The following DMD variants were observed in gnomAD, a reference collection of about 807,000 sequenced individuals.
DMD encodes the protein dystrophin.
In DMD, 63 loss-of-function variants were observed where a neutral mutation model predicts 330.1. The observed-to-expected ratio is 0.19, with a 90% CI of 0.16 to 0.24. The LOEUF is 0.24. DMD is among the 10% of genes least tolerant of loss of function. DMD has a pLI of 1.00. For synonymous variants in DMD, 1,223 were observed against 959.8 expected (o/e 1.27, Z -5.07); for missense variants, 3,344 against 2,684.1 (o/e 1.25, Z -5.43).
chrX:32,585,468 G>A (rs1376245520), intron 13 of DMD, among the ~76,000 whole-genome samples: 2 of 110,119 alleles, frequency 1.8e-5, no homozygotes, highest in Non-Finnish European at 1.9e-5. Context: ...TTGGGAGGCC[G>A]AGGCTGGCGG....
intron 3 of DMD, among the ~76,000 whole-genome samples, chrX:32,847,013 A>C (rs2080747478): frequency 9.0e-6 from 1 of 111,296 alleles, no homozygotes; most frequent in Admixed American, 9.6e-5. Flanking sequence ...CAAAATAAAA[A>C]AAAAATACAT....
At chrX:31,904,914 T>C (rs1315580513) in intron 47 of DMD, among the ~76,000 whole-genome samples, 1 of 112,177 alleles carries the variant, frequency 8.9e-6, no homozygotes, top group Non-Finnish European at 1.9e-5. Flanking sequence ...CATAATATTA[T>C]AATCTTTTTA....
intron 15 of DMD, among the ~76,000 whole-genome samples, chrX:32,570,356 T>C (rs1198689184): frequency 8.9e-6 from 1 of 111,995 alleles, no homozygotes; most frequent in Non-Finnish European, 1.9e-5. Flanking sequence ...TTTTGTTAAT[T>C]GGCTTAAACT....
chrX:31,694,617 CATATATATATATAT>C (rs34933227), intron 52 of DMD, among the ~76,000 whole-genome samples: 3 of 58,172 alleles, frequency 5.2e-5, no homozygotes, highest in African/African-American at 7.5e-5. Context: ...TGACAAACAG[CATATATATATATAT>C]ATATATATAT....
intron 48 of DMD, among the ~76,000 whole-genome samples, chrX:31,868,312 T>C (rs945049965): frequency 3.6e-5 from 4 of 112,384 alleles, no homozygotes; most frequent in African/African-American, 9.7e-5. Flanking sequence ...TTCCTTTTTC[T>C]CTTAAGTTAT....
At chrX:32,504,450 C>T (rs1288132563) in intron 18 of DMD, among the ~76,000 whole-genome samples, 1 of 109,970 alleles carries the variant, frequency 9.1e-6, no homozygotes, top group Non-Finnish European at 1.9e-5. Context: ...ATGGTGAAAC[C>T]CTGTCTCTAC....
At chrX:31,598,189 C>A (rs995897205) in intron 55 of DMD, among the ~76,000 whole-genome samples, 1 of 110,555 alleles carries the variant, frequency 9.0e-6, no homozygotes, top group Admixed American at 9.6e-5. Context: ...CAGCTCCCTG[C>A]AGCCTTGCAG....
intron 11 of DMD, among the ~76,000 whole-genome samples, chrX:32,639,425 C>A (rs2059307736): frequency 9.0e-6 from 1 of 111,123 alleles, no homozygotes; most frequent in Non-Finnish European, 1.9e-5. Context: ...CTAACAAAAC[C>A]ACATCAATAT....
intron 15 of DMD, among the ~76,000 whole-genome samples, chrX:32,567,554 C>A (rs981059558): frequency 9.0e-6 from 1 of 111,322 alleles, no homozygotes; most frequent in African/African-American, 3.3e-5. Flanking sequence ...TGCCACTAAG[C>A]CCAGCTAATT....
Position 31,121,306 on chromosome X carries a change from T to TAGTC in DMD, c.*609_*612dup, listed in dbSNP as rs2032462569. 2 of 118,322 alleles carry TAGTC rather than the reference T, an allele frequency of 1.7e-5. No individual in the cohort carries two copies. Among genetic ancestry groups the TAGTC allele is most frequent in the Non-Finnish European group, 3.5e-5 (2 of 57,691 alleles). The allele number at this position is 118,322 out of a possible 1,213,427, so 9.8% of individuals were successfully genotyped here. A position where few individuals can be genotyped will look rare whatever the true frequency, so the allele number is the denominator to read the frequency against. Reference sequence around the variant, plus strand: ...CAGTTCTCAAATGAGCAGTGTGTAGTAGTCATTTGGTGTGGTGGTAGAGGA... The same window carrying TAGTC: ...CAGTTCTCAAATGAGCAGTGTGTAGTAGTCAGTCATTTGGTGTGGTGGTAGAGGA... On this transcript the variant is annotated 3_prime_UTR_variant, in exon 79 of 79. Coordinates refer to ENST00000357033, the MANE Select transcript of DMD (RefSeq NM_004006.3).
intron 52 of DMD, among the ~76,000 whole-genome samples, chrX:31,717,838 T>C (rs756743006): frequency 4.4e-5 from 5 of 112,460 alleles, no homozygotes; most frequent in African/African-American, 1.6e-4. Context: ...GACAATTTTC[T>C]GATAACAAGT....
chrX:32,483,501 C>A (rs1214887262), intron 21 of DMD, among the ~76,000 whole-genome samples: 1 of 108,586 alleles, frequency 9.2e-6, no homozygotes. Context: ...AAAAGTTGAA[C>A]TTTAATATGA....
chrX:32,671,496 T>A (rs1317414481), intron 9 of DMD, among the ~76,000 whole-genome samples: 1 of 111,847 alleles, frequency 8.9e-6, no homozygotes, highest in Non-Finnish European at 1.9e-5. Context: ...CAAATCAGAT[T>A]ACTTGGCTAT....
intron 60 of DMD, among the ~76,000 whole-genome samples, chrX:31,397,476 C>G (rs1478896838): frequency 8.9e-6 from 1 of 112,165 alleles, no homozygotes; most frequent in Non-Finnish European, 1.9e-5. Context: ...CTTTCTCCGA[C>G]AAGGAAGCCT....
At chrX:32,299,736 G>GC (rs780839610) in intron 42 of DMD, among the ~76,000 whole-genome samples, 2 of 110,844 alleles carry the variant, frequency 1.8e-5, no homozygotes, top group African/African-American at 6.6e-5. Flanking sequence ...TAATAATACA[G>GC]CCTTCCTTGT....
chrX:31,781,399 T>C (rs1246509215), intron 50 of DMD, among the ~76,000 whole-genome samples: 1 of 112,237 alleles, frequency 8.9e-6, no homozygotes, highest in African/African-American at 3.2e-5. Context: ...TAGCTTATAA[T>C]ATATGGTATC....
chrX:31,869,402 TG>T (rs2093853261), intron 48 of DMD, among the ~76,000 whole-genome samples: 1 of 70,792 alleles, frequency 1.4e-5, no homozygotes, highest in Admixed American at 2.1e-4. Context: ...GTAAACGACA[TG>T]ATTTTTTTTT....
intron 6 of DMD, among the ~76,000 whole-genome samples, chrX:32,811,502 G>C (rs768119156): frequency 8.9e-6 from 1 of 111,745 alleles, no homozygotes; most frequent in Non-Finnish European, 1.9e-5. Flanking sequence ...CCACTAGAAT[G>C]TACAATCTTT....
At chrX:31,724,072 T>C (rs2085808802) in intron 52 of DMD, among the ~76,000 whole-genome samples, 2 of 112,393 alleles carry the variant, frequency 1.8e-5, no homozygotes, top group Non-Finnish European at 3.8e-5. Flanking sequence ...ACTGAACTCT[T>C]TGGTTGCCAG....
Sources: allele counts gnomAD v4.1 joint callset (sites outside exome capture counted in the v4.1 genomes callset), GRCh38; gene constraint gnomAD v4.1.1; transcripts MANE v1.5; gene names NCBI Gene and HGNC (gene_info 2026-07-23, HGNC 2026-07-21).